Variants in ARHGAP24 observed in about 807,000 individuals in gnomAD.
ARHGAP24 encodes the protein Rho GTPase activating protein 24.
ARHGAP24 carries 50 observed loss-of-function variants against 76.4 expected under a neutral mutation model. The ratio of observed to expected loss-of-function variants is 0.65; its 90% CI spans 0.52 to 0.83. ARHGAP24 has a LOEUF of 0.83. ARHGAP24 is among the 40% of genes least tolerant of loss of function. ARHGAP24 has a pLI of 0.00. For synonymous variants in ARHGAP24, 345 were observed against 323.3 expected, an observed-to-expected ratio of 1.07 and a Z score of -0.72; for missense variants, 930 against 914.2, an observed-to-expected ratio of 1.02 and a Z score of -0.22.
chr4:85,691,828 G>A (rs910809797), intron 2 of ARHGAP24, among the ~76,000 whole-genome samples: 2 of 152,042 alleles, frequency 1.3e-5, no homozygotes, highest in Admixed American at 6.5e-5. Flanking sequence ...GGGCATTTTG[G>A]CCATTTACTT....
intron 3 of ARHGAP24, among the ~76,000 whole-genome samples, chr4:85,898,354 C>T (rs766226741): frequency 6.6e-6 from 1 of 152,086 alleles, no homozygotes; most frequent in Non-Finnish European, 1.5e-5. Context: ...CTTCCTCTCC[C>T]TTAGCGTAGA....
At chr4:85,727,575 T>C (rs1337725656) in intron 3 of ARHGAP24, among the ~76,000 whole-genome samples, 3 of 152,180 alleles carry the variant, frequency 2.0e-5, no homozygotes, top group South Asian at 2.1e-4. Flanking sequence ...AGTGCTTTCT[T>C]ATAGACAACT....
chr4:85,659,543 A>G (rs1324672325), intron 2 of ARHGAP24, among the ~76,000 whole-genome samples: 1 of 152,214 alleles, frequency 6.6e-6, no homozygotes, highest in Non-Finnish European at 1.5e-5. Context: ...AAGTATGAAT[A>G]TAGCGGCCAT....
intron 4 of ARHGAP24, among the ~76,000 whole-genome samples, chr4:85,928,642 A>T (rs1174804911): frequency 2.6e-5 from 4 of 151,846 alleles, no homozygotes; most frequent in Non-Finnish European, 5.9e-5. Flanking sequence ...TTGTATTTTT[A>T]GTAGAGATGG....
At chr4:85,510,228 T>C (rs1317323205) in intron 1 of ARHGAP24, among the ~76,000 whole-genome samples, 3 of 152,170 alleles carry the variant, frequency 2.0e-5, no homozygotes, top group Non-Finnish European at 4.4e-5. Context: ...TTTTCCTCCA[T>C]TGGGTTTTTG....
At chr4:85,641,514 A>G (rs535940328) in intron 2 of ARHGAP24, among the ~76,000 whole-genome samples, 1 of 152,072 alleles carries the variant, frequency 6.6e-6, no homozygotes, top group Non-Finnish European at 1.5e-5. Context: ...TGCCTTGTAC[A>G]TGGCCATCTT....
At chr4:85,603,688 T>C (rs1197177255) in intron 2 of ARHGAP24, among the ~76,000 whole-genome samples, 2 of 152,210 alleles carry the variant, frequency 1.3e-5, no homozygotes, top group African/African-American at 2.4e-5. Flanking sequence ...GATTTATTCA[T>C]TCATTCATTC....
chr4:85,714,976 A>C (rs961047550), intron 2 of ARHGAP24, among the ~76,000 whole-genome samples: 1 of 152,136 alleles, frequency 6.6e-6, no homozygotes, highest in Non-Finnish European at 1.5e-5. Flanking sequence ...TCACACAAAT[A>C]TGTATTAAGA....
intron 3 of ARHGAP24, among the ~76,000 whole-genome samples, chr4:85,923,196 A>G (rs1161405622): frequency 1.3e-5 from 2 of 152,090 alleles, no homozygotes. Flanking sequence ...TCCCATATCC[A>G]ATCACGATGT....
intron 1 of ARHGAP24, among the ~76,000 whole-genome samples, chr4:85,521,596 C>T (rs1215781700): frequency 1.3e-5 from 2 of 152,106 alleles, no homozygotes; most frequent in Non-Finnish European, 2.9e-5. Flanking sequence ...AGCTAATCCC[C>T]AGCCTGCGTG....
chr4:85,531,788 C>T (rs980686699), intron 1 of ARHGAP24, among the ~76,000 whole-genome samples: 1 of 152,064 alleles, frequency 6.6e-6, no homozygotes, highest in Non-Finnish European at 1.5e-5. Context: ...TACAAGATCA[C>T]TTATATAAGC....
chr4:85,919,580 G>A (rs1170974070), intron 3 of ARHGAP24, among the ~76,000 whole-genome samples: 1 of 152,138 alleles, frequency 6.6e-6, no homozygotes, highest in Non-Finnish European at 1.5e-5. Context: ...TCACAGATGG[G>A]ATTTTGTATC....
intron 3 of ARHGAP24, among the ~76,000 whole-genome samples, chr4:85,844,830 G>A (rs1026970801): frequency 2.6e-5 from 4 of 152,166 alleles, no homozygotes; most frequent in African/African-American, 9.7e-5. Flanking sequence ...GTATGGAAAT[G>A]ATGATAGCCA....
At chr4:85,812,142 C>T (rs1729042032) in intron 3 of ARHGAP24, among the ~76,000 whole-genome samples, 1 of 152,002 alleles carries the variant, frequency 6.6e-6, no homozygotes, top group South Asian at 2.1e-4. Context: ...TGCCACTGCA[C>T]TCCAGCCTGG....
chr4:85,637,180 A>G (rs1278364851), intron 2 of ARHGAP24, among the ~76,000 whole-genome samples: 1 of 152,076 alleles, frequency 6.6e-6, no homozygotes, highest in Non-Finnish European at 1.5e-5. Context: ...ATGCATACTC[A>G]TAAGGTGTCT....
intron 6 of ARHGAP24, among the ~76,000 whole-genome samples, chr4:85,972,892 C>G (rs960066170): frequency 2.6e-5 from 4 of 152,096 alleles, no homozygotes; most frequent in Non-Finnish European, 5.9e-5. Context: ...AAAGTTTACT[C>G]ATGTTGTGCC....
chr4:85,537,852 C>G (rs545957469), intron 1 of ARHGAP24, among the ~76,000 whole-genome samples: 33 of 152,242 alleles, frequency 2.2e-4, no homozygotes, highest in African/African-American at 7.7e-4. Context: ...AGATATGGTG[C>G]GTACAAGTCA....
intron 2 of ARHGAP24, among the ~76,000 whole-genome samples, chr4:85,597,270 C>T: frequency 6.6e-6 from 1 of 152,000 alleles, no homozygotes; most frequent in East Asian, 1.9e-4. Flanking sequence ...ATTTTGCTTT[C>T]TTCATTTATA....
chr4:85,874,814 A>T (rs11725371), intron 3 of ARHGAP24, among the ~76,000 whole-genome samples: 11,760 of 16,786 alleles, frequency 0.7, 4,018 homozygotes, highest in Middle Eastern at 0.83. Flanking sequence ...AAATATATTT[A>T]TATATAATTT....
Sources: gnomAD v4.1 joint callset for allele counts (sites outside exome capture counted in the v4.1 genomes callset) on GRCh38, gnomAD v4.1.1 for gene constraint, MANE v1.5 for transcripts, NCBI Gene and HGNC (gene_info 2026-07-23, HGNC 2026-07-21) for gene names.